Variants in COL24A1 observed in about 807,000 individuals in gnomAD.
COL24A1 encodes the protein collagen alpha-1(XXIV) chain.
In COL24A1, 224 loss-of-function variants were observed where a neutral mutation model predicts 253.9. The observed-to-expected ratio is 0.88, with a 90% CI of 0.79 to 0.99. The LOEUF (loss-of-function observed/expected upper bound fraction) is 0.99, where lower values mean the gene tolerates loss of function less well. Ranked by LOEUF, COL24A1 falls within the 50% of genes least tolerant of loss-of-function variation. COL24A1 has a pLI of 0.00. For missense variants in COL24A1, 2,131 were observed against 2,068.5 expected (o/e 1.03, Z -0.59); for synonymous variants, 685 against 673.7 (o/e 1.02, Z -0.26).
chr1:86,008,434 A>T (rs1244627119), intron 19 of COL24A1, among the ~76,000 whole-genome samples: 1 of 151,998 alleles, frequency 6.6e-6, no homozygotes, highest in African/African-American at 2.4e-5. Flanking sequence ...TTTTGTAGAG[A>T]TGGTGTTTTG....
At chr1:86,073,176 C>T (rs1701992460) in intron 7 of COL24A1, among the ~76,000 whole-genome samples, 1 of 152,070 alleles carries the variant, frequency 6.6e-6, no homozygotes, top group African/African-American at 2.4e-5. Flanking sequence ...ACAAACTCCT[C>T]CAAGCTAAAG....
intron 24 of COL24A1, among the ~76,000 whole-genome samples, chr1:85,920,926 GT>G (rs1686391273): frequency 7.1e-6 from 1 of 139,896 alleles, no homozygotes; most frequent in Non-Finnish European, 1.6e-5. Flanking sequence ...GAGGCAAGAG[GT>G]AGAAAAAAAA....
intron 5 of COL24A1, among the ~76,000 whole-genome samples, chr1:86,099,727 G>A (rs59707981): frequency 0.019 from 2,867 of 152,066 alleles, 76 homozygotes; most frequent in East Asian, 0.095. Flanking sequence ...CTTTATCCAT[G>A]CCATCATCAC....
intron 5 of COL24A1, among the ~76,000 whole-genome samples, chr1:86,104,776 T>C (rs1451918133): frequency 6.6e-6 from 1 of 152,228 alleles, no homozygotes; most frequent in Non-Finnish European, 1.5e-5. Flanking sequence ...TCCTGGACCA[T>C]TGATCACAGC....
chr1:86,084,448 C>T lies in COL24A1; in HGVS notation c.1707+4726G>A, dbSNP rs551369264. Among the ~76,000 whole-genome samples the T allele has an allele frequency of 1.4e-4, 22 of 152,262 alleles. No individual in the cohort carries two copies. The South Asian group carries it at 4.1e-3, about 29-fold the overall frequency. ...CCTCAGGCATACAACAGACTCATGC[C>T]AATGTTAGTCCCAAATTTCTCACAA... On this transcript the variant is annotated intron_variant, in intron 7 of 59. Coordinates refer to ENST00000370571, the MANE Select transcript of COL24A1 (RefSeq NM_152890.7).
chr1:85,976,045 A>G (rs1406462401), intron 20 of COL24A1, among the ~76,000 whole-genome samples: 1 of 152,160 alleles, frequency 6.6e-6, no homozygotes, highest in African/African-American at 2.4e-5. Flanking sequence ...AGAATCTGGG[A>G]GGGGTCACAG....
At chr1:86,072,526 C>T (rs1335253138) in intron 7 of COL24A1, among the ~76,000 whole-genome samples, 2 of 152,188 alleles carry the variant, frequency 1.3e-5, no homozygotes, top group Non-Finnish European at 2.9e-5. Flanking sequence ...TGGGTCAGAG[C>T]ACCTGGGGGA....
At chr1:86,012,698 A>G (rs1696619196) in intron 19 of COL24A1, among the ~76,000 whole-genome samples, 1 of 152,076 alleles carries the variant, frequency 6.6e-6, no homozygotes, top group Admixed American at 6.6e-5. Context: ...AAAAGCATAA[A>G]TCAGATCAGA....
intron 5 of COL24A1, among the ~76,000 whole-genome samples, chr1:86,111,031 A>G (rs1705530068): frequency 6.6e-6 from 1 of 152,210 alleles, no homozygotes; most frequent in Non-Finnish European, 1.5e-5. Flanking sequence ...GGGGACTTGG[A>G]GAACTTTATG....
At chr1:85,869,724 G>T (rs928033435) in intron 35 of COL24A1, among the ~76,000 whole-genome samples, 22 of 152,036 alleles carry the variant, frequency 1.4e-4, no homozygotes, top group African/African-American at 5.3e-4. Flanking sequence ...GAACAACCAG[G>T]ACCAGCCACT....
intron 20 of COL24A1, among the ~76,000 whole-genome samples, chr1:85,982,115 C>T (rs937978353): frequency 3.3e-5 from 5 of 152,026 alleles, no homozygotes; most frequent in Non-Finnish European, 5.9e-5. Context: ...TGTCATGTTA[C>T]CAGATGGATG....
intron 29 of COL24A1, 102 bp from the exon 30 acceptor site, chr1:85,896,167 G>GTA (rs1414140417): frequency 7.8e-7 from 1 of 1,288,884 alleles, no homozygotes; most frequent in Non-Finnish European, 1.1e-6. Context: ...AAGACAGTAA[G>GTA]TATATAGTTC....
chr1:86,046,276 C>A (rs558965661), intron 12 of COL24A1, among the ~76,000 whole-genome samples: 46 of 152,108 alleles, frequency 3.0e-4, no homozygotes, highest in Non-Finnish European at 6.3e-4. Context: ...CCTCTCTGGA[C>A]CACATTTTTC....
In COL24A1 at chr1:86,125,037, A is replaced by G. The variant is rs768533915; in HGVS notation, c.1299T>C (p.His433=). ...EMQPILNTSL[H]RVTNEPSVDN... ...CCACAGATGGCTCATTTGTCACTCT[A>G]TGCAAGCTTGTGTTTAAAATTGGTT... Residue 433 remains histidine (H), a synonymous_variant, in exon 3 of 60, where the codon CAT becomes CAC. Coordinates refer to ENST00000370571, the MANE Select transcript of COL24A1 (RefSeq NM_152890.7). The G allele has an allele frequency of 3.7e-6, 6 of 1,612,936 alleles. No individual in the cohort carries two copies. Among genetic ancestry groups the G allele is most frequent in the East Asian group, 2.2e-5 (1 of 44,856 alleles).
chr1:85,992,589 T>G (rs72714068), intron 19 of COL24A1, among the ~76,000 whole-genome samples: 1 of 152,178 alleles, frequency 6.6e-6, no homozygotes, highest in Non-Finnish European at 1.5e-5. Context: ...TTCAGAAAGC[T>G]TACAGATTGA....
chr1:86,044,049 A>G (rs1699715547), intron 12 of COL24A1, among the ~76,000 whole-genome samples: 1 of 152,204 alleles, frequency 6.6e-6, no homozygotes, highest in South Asian at 2.1e-4. Context: ...ATAAATTACC[A>G]GGAGAACATG....
At chr1:85,827,463 C>G (rs1386501555) in intron 43 of COL24A1, among the ~76,000 whole-genome samples, 5 of 151,662 alleles carry the variant, frequency 3.3e-5, no homozygotes, top group Admixed American at 6.6e-5. Context: ...GGAGGATTCC[C>G]TCTTTTTCTA....
chr1:85,895,064 CTGAA>C (rs1683535150), intron 31 of COL24A1, among the ~76,000 whole-genome samples: 1 of 151,916 alleles, frequency 6.6e-6, no homozygotes, highest in Admixed American at 6.6e-5. Context: ...AATTAAAATT[CTGAA>C]TGAAAGTAAA....
chr1:85,868,613 C>A lies in COL24A1; in HGVS notation c.3206G>T (p.Gly1069Val), dbSNP rs201946920. The A allele has an allele frequency of 3.1e-6, 5 of 1,613,474 alleles. No individual in the cohort carries two copies. Among genetic ancestry groups the A allele is most frequent in the Non-Finnish European group, 4.2e-6 (5 of 1,179,542 alleles). ...TCCATCCTCTCCAGGAAGTCCCCTTCCTCCTGGTACTCCCTGTAATGCAAT... is the reference window on the plus strand; with the variant it reads ...TCCATCCTCTCCAGGAAGTCCCCTTACTCCTGGTACTCCCTGTAATGCAAT... ...GKDGLKGVPGGRGLPGEDGEK... is the reference protein window; with the variant it reads ...GKDGLKGVPGVRGLPGEDGEK... Residue 1069 changes from glycine to valine, a missense_variant, in exon 37 of 60, where the codon GGA becomes GTA. Coordinates refer to ENST00000370571, the MANE Select transcript of COL24A1 (RefSeq NM_152890.7).
Sources: allele counts gnomAD v4.1 joint callset (sites outside exome capture counted in the v4.1 genomes callset), GRCh38; gene constraint gnomAD v4.1.1; transcripts MANE v1.5; gene names NCBI Gene and HGNC (gene_info 2026-07-23, HGNC 2026-07-21).